The following SDC2 variants were observed in gnomAD, a reference collection of about 807,000 sequenced individuals.
SDC2 encodes syndecan-2.
SDC2 carries 13 observed loss-of-function variants against 22.2 expected under a neutral mutation model. The ratio of observed to expected loss-of-function variants is 0.59; its 90% CI spans 0.38 to 0.93. The LOEUF (loss-of-function observed/expected upper bound fraction) is 0.93, where lower values mean the gene tolerates loss of function less well. Among genes scored for constraint, SDC2 ranks in the 40% least tolerant of loss-of-function variants. The probability of loss-of-function intolerance (pLI) is 0.00; values close to 1 mark genes in which losing one functional copy is unlikely to be tolerated. For missense variants in SDC2, 235 were observed against 246.8 expected (o/e 0.95, Z 0.32); for synonymous variants, 94 against 92.8 (o/e 1.01, Z -0.07).
intron 1 of SDC2, among the ~76,000 whole-genome samples, chr8:96,589,765 G>A (rs1302248212): frequency 6.6e-6 from 1 of 152,190 alleles, no homozygotes; most frequent in Non-Finnish European, 1.5e-5. Flanking sequence ...ATAAAGGCAG[G>A]AGAGTGATAC....
At position 96,565,097 on chromosome 8, in the gene SDC2, T is replaced by TTG. The variant is rs1554603857; in HGVS notation, c.61-28382_61-28381insGT. Among the ~76,000 whole-genome samples the TTG allele has an allele frequency of 1.4e-4, 18 of 128,680 alleles. No homozygotes were observed. In the East Asian group the frequency reaches 2.3e-3, roughly 16 times the overall value. 84.4% of individuals were successfully genotyped at this position (128,680 alleles called of 152,430 possible). Reference sequence around the variant, plus strand: ...ATCCTAAATTTGATTTTTTTTTTTTTTTGTTGAGATGGGGAGTGTTGCTCT... The same window carrying TTG: ...ATCCTAAATTTGATTTTTTTTTTTTTTGTTGTTGAGATGGGGAGTGTTGCTCT... On this transcript the variant is annotated intron_variant, in intron 1 of 4. Coordinates refer to ENST00000302190, the MANE Select transcript of SDC2 (RefSeq NM_002998.4).
chr8:96,553,693 T>C (rs1455415663), intron 1 of SDC2, among the ~76,000 whole-genome samples: 1 of 152,208 alleles, frequency 6.6e-6, no homozygotes, highest in Non-Finnish European at 1.5e-5. Flanking sequence ...TTATTCTTTA[T>C]GCTTTATTAC....
chr8:96,551,203 C>T (rs1563658180), intron 1 of SDC2, among the ~76,000 whole-genome samples: 1 of 152,198 alleles, frequency 6.6e-6, no homozygotes, highest in African/African-American at 2.4e-5. Flanking sequence ...CTGTCACAGC[C>T]TTGCTGTGGG....
intron 1 of SDC2, among the ~76,000 whole-genome samples, chr8:96,547,804 A>G (rs2130529331): frequency 6.6e-6 from 1 of 151,698 alleles, no homozygotes; most frequent in South Asian, 2.1e-4. Flanking sequence ...TCTGTTGCCC[A>G]GGCTGGCATG....
chr8:96,494,308 G>A lies in SDC2; in HGVS notation c.37G>A (p.Val13Met). The A allele has an allele frequency of 6.5e-7, 1 of 1,545,880 alleles. No homozygotes were observed. Among genetic ancestry groups the A allele is most frequent in the East Asian group, 2.4e-5 (1 of 41,312 alleles). ...RAWILLTLGL[V>M]ACVSAESRAE... ...GTGGATCCTGCTCACCTTGGGCTTG[G>A]TGGCCTGCGTGTCGGCGGAGTCGGT... Residue 13 changes from valine to methionine, a missense_variant, in exon 1 of 5, where the codon GTG (valine) becomes ATG (methionine). By Grantham distance (21) the Val-to-Met change is conservative (BLOSUM62 1). Coordinates refer to ENST00000302190, the MANE Select transcript of SDC2 (RefSeq NM_002998.4).
chr8:96,549,882 G>T (rs1262585660), intron 1 of SDC2, among the ~76,000 whole-genome samples: 2 of 152,034 alleles, frequency 1.3e-5, no homozygotes, highest in African/African-American at 2.4e-5. Context: ...TTCTTTTTTG[G>T]CTAAGAGTAG....
At chr8:96,525,421 A>T (rs1320345502) in intron 1 of SDC2, among the ~76,000 whole-genome samples, 2 of 152,150 alleles carry the variant, frequency 1.3e-5, no homozygotes, top group Non-Finnish European at 2.9e-5. Flanking sequence ...TCACTGGACA[A>T]GTTCCTTATC....
intron 1 of SDC2, among the ~76,000 whole-genome samples, chr8:96,526,449 T>C (rs1342885664): frequency 6.6e-6 from 1 of 151,578 alleles, no homozygotes; most frequent in East Asian, 1.9e-4. Context: ...ATTTTATAGT[T>C]ACAGAAACTT....
chr8:96,562,835 G>A (rs1814232325), intron 1 of SDC2, among the ~76,000 whole-genome samples: 1 of 152,114 alleles, frequency 6.6e-6, no homozygotes. Context: ...CCCATTTGGG[G>A]ACTTGGATGG....
At chr8:96,508,286 A>AGG (rs1448989362) in intron 1 of SDC2, among the ~76,000 whole-genome samples, 11 of 146,994 alleles carry the variant, frequency 7.5e-5, no homozygotes, top group Non-Finnish European at 1.5e-4. Context: ...ACAGAGTGAG[A>AGG]CTCCGTCTCA....
At chr8:96,507,448 T>A (rs2437780) in intron 1 of SDC2, among the ~76,000 whole-genome samples, 107,948 of 152,078 alleles carry the variant, frequency 0.71, 38,552 homozygotes, top group East Asian at 0.81. Context: ...ATACTTTTTC[T>A]ATTTCCAGCA....
rs1813284152 is a variant in SDC2, at chr8:96,508,519, G to GATAAAA, written c.60+14188_60+14189insATAAAA. ...AAAAAAAGAAAAAAAAAGATTATTG[G>GATAAAA]TTTATAAATTTTATCATAACACAAA... On this transcript the variant is annotated intron_variant, in intron 1 of 4. Coordinates refer to ENST00000302190, the MANE Select transcript of SDC2 (RefSeq NM_002998.4). Among the ~76,000 whole-genome samples, 18 of 96,798 alleles carry GATAAAA rather than the reference G, an allele frequency of 1.9e-4. 3 individuals are homozygous for GATAAAA. Among genetic ancestry groups the GATAAAA allele is most frequent in the Admixed American group, 1.3e-3 (13 of 10,340 alleles). 63.5% of individuals were successfully genotyped at this position (96,798 alleles called of 152,430 possible). A position where few individuals can be genotyped will look rare whatever the true frequency, so the allele number is the denominator to read the frequency against.
intron 1 of SDC2, among the ~76,000 whole-genome samples, chr8:96,569,405 G>A (rs996164072): frequency 1.3e-5 from 2 of 151,962 alleles, no homozygotes; most frequent in Non-Finnish European, 2.9e-5. Flanking sequence ...TCTCTTACTG[G>A]GCCAGTGTAG....
chr8:96,494,360 G>A (rs773937276), intron 1 of SDC2, 29 bp downstream of exon 1: 107 of 1,533,432 alleles, frequency 7.0e-5, no homozygotes, highest in Non-Finnish European at 4.3e-5. Context: ...GGATGCGCGC[G>A]CCGTTTAGGG....
chr8:96,519,821 A>G (rs1433091755), intron 1 of SDC2, among the ~76,000 whole-genome samples: 9 of 152,014 alleles, frequency 5.9e-5, no homozygotes, highest in African/African-American at 1.9e-4. Flanking sequence ...TTCAGTAGAG[A>G]CAGGGTTTGT....
intron 1 of SDC2, among the ~76,000 whole-genome samples, chr8:96,552,642 A>G (rs993181644): frequency 7.2e-5 from 11 of 152,180 alleles, no homozygotes; most frequent in African/African-American, 2.7e-4. Flanking sequence ...TAAATTTAGG[A>G]TGGAAGGGGA....
chr8:96,558,710 A>C (rs1814160248), intron 1 of SDC2, among the ~76,000 whole-genome samples: 1 of 152,138 alleles, frequency 6.6e-6, no homozygotes, highest in Non-Finnish European at 1.5e-5. Flanking sequence ...CAAAGAGGGG[A>C]ATATAAGGGT....
At chr8:96,524,989 A>G (rs1006609477) in intron 1 of SDC2, among the ~76,000 whole-genome samples, 3 of 152,208 alleles carry the variant, frequency 2.0e-5, no homozygotes, top group Non-Finnish European at 4.4e-5. Context: ...GTCGGGTTAC[A>G]TGGATCTCCA....
At chr8:96,604,304 T>TA (rs1170831441) in intron 3 of SDC2, among the ~76,000 whole-genome samples, 1 of 152,200 alleles carries the variant, frequency 6.6e-6, no homozygotes, top group Non-Finnish European at 1.5e-5. Flanking sequence ...CAGATCGAGA[T>TA]AAAAAATGTA....
Sources: gnomAD v4.1 joint callset for allele counts (sites outside exome capture counted in the v4.1 genomes callset) on GRCh38, gnomAD v4.1.1 for gene constraint, MANE v1.5 for transcripts, NCBI Gene and HGNC (gene_info 2026-07-23, HGNC 2026-07-21) for gene names.